Variants in DNAH14 observed in about 807,000 individuals in gnomAD.
DNAH14 encodes axonemal beta dynein heavy chain 14.
DNAH14 carries 478 observed loss-of-function variants against 520.9 expected under a neutral mutation model. That is an observed-to-expected ratio of 0.92 (90% CI 0.85 to 0.99). The LOEUF is 0.99. Ranked by LOEUF, DNAH14 falls within the 50% of genes least tolerant of loss-of-function variation. DNAH14 has a pLI of 0.00. For missense variants in DNAH14, 4,831 were observed against 5,234.5 expected (o/e 0.92, Z 2.38); for synonymous variants, 1,581 against 1,757.2 (o/e 0.90, Z 2.51).
intron 8 of DNAH14, among the ~76,000 whole-genome samples, chr1:224,994,092 G>T (rs1295108913): frequency 6.6e-6 from 1 of 151,944 alleles, no homozygotes; most frequent in Non-Finnish European, 1.5e-5. Flanking sequence ...CTTGTTTTGT[G>T]GCCTAACATG....
chr1:225,331,656 A>G, intron 65 of DNAH14, 79 bp downstream of exon 65: 2 of 1,527,662 alleles, frequency 1.3e-6, no homozygotes, highest in Non-Finnish European at 1.8e-6. Flanking sequence ...TTTTCACTGC[A>G]GGCTGTATCA....
intron 11 of DNAH14, among the ~76,000 whole-genome samples, chr1:225,031,740 T>C (rs2066543142): frequency 6.6e-6 from 1 of 152,152 alleles, no homozygotes; most frequent in Non-Finnish European, 1.5e-5. Context: ...ATTCTTTTAC[T>C]GTATTTTAAA....
chr1:225,355,237 A>T (rs2095417063), intron 73 of DNAH14, among the ~76,000 whole-genome samples: 2 of 152,022 alleles, frequency 1.3e-5, no homozygotes, highest in South Asian at 4.2e-4. Context: ...CTGTGTCCTC[A>T]CAACAAGAAA....
chr1:225,389,887 C>A lies in DNAH14; in HGVS notation c.13330+14C>A. ...TCTTTCCACAAGGTGAGCATTAGAA[C>A]CAAGGTCAGCTCCAGACCTGGCCCA... On this transcript the variant is annotated intron_variant, in intron 83 of 85. Coordinates refer to ENST00000682510, the MANE Select transcript of DNAH14 (RefSeq NM_001367479.1). 6.4e-7 allele frequency: 1 copy of A among 1,551,012 alleles called. No individual in the cohort carries two copies. The highest frequency in any genetic ancestry group is 8.7e-7 in the Non-Finnish European group (1 of 1,146,554).
chr1:225,144,480 A>G lies in DNAH14; in HGVS notation c.4592A>G (p.Tyr1531Cys). The part of the protein sequence containing the change: ...GNASFTYGYE[Y>C]LGCTSRLVIT... ...GCCAGCTTTACTTATGGCTATGAGT[A>G]CTTGGGCTGTACCTCAAGATTGGTT... is the stretch of plus-strand genomic sequence containing the variant. Residue 1531 changes from tyrosine (Y) to cysteine (C), a missense_variant, in exon 29 of 86, where the codon TAC becomes TGC. By Grantham distance (194) the Tyr-to-Cys change is radical (BLOSUM62 -2). Coordinates refer to ENST00000682510, the MANE Select transcript of DNAH14 (RefSeq NM_001367479.1). 6.4e-7 allele frequency: 1 copy of G among 1,551,668 alleles called. No homozygotes were observed.
intron 69 of DNAH14, among the ~76,000 whole-genome samples, chr1:225,345,129 C>T (rs1480892422): frequency 6.6e-6 from 1 of 152,134 alleles, no homozygotes; most frequent in Non-Finnish European, 1.5e-5. Context: ...TAGGTCCAGA[C>T]ATTACTGCAA....
intron 11 of DNAH14, among the ~76,000 whole-genome samples, chr1:225,026,532 G>A (rs1485003763): frequency 6.6e-6 from 1 of 152,022 alleles, no homozygotes; most frequent in Non-Finnish European, 1.5e-5. Flanking sequence ...TTTCTCTATT[G>A]AATTGTCTTG....
At chr1:225,071,270 T>C (rs1316673250) in intron 17 of DNAH14, among the ~76,000 whole-genome samples, 2 of 152,194 alleles carry the variant, frequency 1.3e-5, no homozygotes, top group Non-Finnish European at 2.9e-5. Flanking sequence ...GGTTGCCATA[T>C]AGTGTCACTG....
At chr1:224,984,542 G>A (rs1412525714) in intron 8 of DNAH14, among the ~76,000 whole-genome samples, 2 of 152,108 alleles carry the variant, frequency 1.3e-5, no homozygotes, top group South Asian at 2.1e-4. Flanking sequence ...ATAAATAGGG[G>A]GGACTTAATT....
intron 16 of DNAH14, 75 bp downstream of exon 16, chr1:225,050,451 T>G: frequency 7.0e-7 from 1 of 1,424,594 alleles, no homozygotes; most frequent in African/African-American, 1.5e-5. Context: ...TGAAATGAAT[T>G]TATTGAAAAA....
At chr1:225,065,446 A>C (rs182788194) in intron 17 of DNAH14, among the ~76,000 whole-genome samples, 4 of 151,634 alleles carry the variant, frequency 2.6e-5, no homozygotes, top group Admixed American at 6.6e-5. Flanking sequence ...TCTCAAAAAA[A>C]AAAACCAACA....
intron 64 of DNAH14, among the ~76,000 whole-genome samples, chr1:225,330,757 A>T (rs1431061722): frequency 6.6e-6 from 1 of 152,176 alleles, no homozygotes; most frequent in African/African-American, 2.4e-5. Context: ...CAACAGGGTG[A>T]TTGTAGTCAA....
At chr1:225,057,217 G>C (rs577975017) in intron 17 of DNAH14, among the ~76,000 whole-genome samples, 98 of 152,284 alleles carry the variant, frequency 6.4e-4, no homozygotes, top group African/African-American at 2.3e-3. Context: ...TTGAGCAGTG[G>C]TTTGTAGTTC....
Position 225,160,770 on chromosome 1 carries a change from T to A in DNAH14, c.5445+1285T>A, listed in dbSNP as rs183414722. Among the ~76,000 whole-genome samples the A allele has an allele frequency of 8.7e-4, 132 of 152,284 alleles. 1 individual carries two copies. The highest frequency in any genetic ancestry group is 3.0e-3 in the African/African-American group (124 of 41,584). On this transcript the variant is annotated intron_variant, in intron 35 of 85. Coordinates refer to ENST00000682510, the MANE Select transcript of DNAH14 (RefSeq NM_001367479.1). ...TCCTAATTTGTGTCTTCTTCCTTGA[T>A]TGCATTGTCTGTTTATCTGATATAT...
At chr1:225,200,409 T>G (rs768201491) in intron 38 of DNAH14, among the ~76,000 whole-genome samples, 3 of 152,098 alleles carry the variant, frequency 2.0e-5, no homozygotes, top group Non-Finnish European at 4.4e-5. Flanking sequence ...ATTTTTTTGG[T>G]TTTTTTAATT....
intron 43 of DNAH14, among the ~76,000 whole-genome samples, chr1:225,244,371 T>G (rs2092150451): frequency 6.6e-6 from 1 of 152,212 alleles, no homozygotes. Context: ...CCTCATAAAA[T>G]GAGCTAGCAA....
intron 11 of DNAH14, among the ~76,000 whole-genome samples, chr1:225,025,153 C>A (rs2066003861): frequency 6.6e-6 from 1 of 151,832 alleles, no homozygotes; most frequent in Non-Finnish European, 1.5e-5. Context: ...GCCTAGGCAA[C>A]ATGGCGAGAC....
chr1:225,309,623 GGTGGCTTATGC>G (rs2150120988), intron 60 of DNAH14, among the ~76,000 whole-genome samples: 1 of 152,262 alleles, frequency 6.6e-6, no homozygotes, highest in South Asian at 2.1e-4. Context: ...GGCCGAGCGG[GGTGGCTTATGC>G]CTGTAATCCC....
chr1:225,217,630 A>G (rs7529932), intron 41 of DNAH14, among the ~76,000 whole-genome samples: 44,755 of 151,988 alleles, frequency 0.29, 7,401 homozygotes, highest in East Asian at 0.55. Flanking sequence ...CCTCACTGCC[A>G]CCTTGCAGTT....
Sources: gnomAD v4.1 joint callset for allele counts (sites outside exome capture counted in the v4.1 genomes callset) on GRCh38, gnomAD v4.1.1 for gene constraint, MANE v1.5 for transcripts, NCBI Gene and HGNC (gene_info 2026-07-23, HGNC 2026-07-21) for gene names.